MEI4: variants seen among roughly 807,000 people sequenced by gnomAD.
The protein encoded by MEI4 is meiosis-specific protein MEI4.
Under a neutral mutation model 31.4 loss-of-function variants are expected in MEI4, and 27 were observed. That is an observed-to-expected ratio of 0.86 (90% CI 0.63 to 1.19). The LOEUF is 1.19. Among genes scored for constraint, MEI4 ranks in the 50% most tolerant of loss-of-function variants. The probability of loss-of-function intolerance (pLI) is 0.00; values close to 1 mark genes in which losing one functional copy is unlikely to be tolerated. For missense variants in MEI4, 329 were observed against 398.9 expected (o/e 0.82, Z 1.49); for synonymous variants, 122 against 145.4 (o/e 0.84, Z 1.16).
At chr6:77,729,704 A>G (rs1766922211) in intron 2 of MEI4, among the ~76,000 whole-genome samples, 1 of 152,176 alleles carries the variant, frequency 6.6e-6, no homozygotes, top group Admixed American at 6.5e-5. Context: ...TGTAGAGAAC[A>G]GATATGAGAA....
At chr6:77,833,616 GTATT>G (rs1162944216) in intron 4 of MEI4, among the ~76,000 whole-genome samples, 2 of 152,022 alleles carry the variant, frequency 1.3e-5, no homozygotes, top group Non-Finnish European at 2.9e-5. Flanking sequence ...GGATTTTTTT[GTATT>G]TATTTTATTT....
At chr6:77,899,016 C>G (rs1041588562) in intron 4 of MEI4, among the ~76,000 whole-genome samples, 1 of 151,930 alleles carries the variant, frequency 6.6e-6, no homozygotes, top group African/African-American at 2.4e-5. Flanking sequence ...ACATTGCCAT[C>G]GGGAATACGA....
intron 2 of MEI4, among the ~76,000 whole-genome samples, chr6:77,760,016 T>A (rs1479590624): frequency 6.6e-6 from 1 of 152,152 alleles, no homozygotes; most frequent in Non-Finnish European, 1.5e-5. Context: ...ATTTTACTGA[T>A]AATCATTTTA....
intron 1 of MEI4, among the ~76,000 whole-genome samples, chr6:77,677,571 G>A (rs150587789): frequency 6.4e-4 from 97 of 152,176 alleles, no homozygotes; most frequent in African/African-American, 1.6e-3. Context: ...TGTCCTGTTT[G>A]GACCTTTCAT....
At chr6:77,713,795 C>T (rs1180906994) in intron 2 of MEI4, among the ~76,000 whole-genome samples, 1 of 152,092 alleles carries the variant, frequency 6.6e-6, no homozygotes, top group African/African-American at 2.4e-5. Context: ...AGTGTTCTTC[C>T]CCTTCCACAA....
At chr6:77,681,019 A>C (rs891932495) in intron 1 of MEI4, among the ~76,000 whole-genome samples, 1 of 152,144 alleles carries the variant, frequency 6.6e-6, no homozygotes, top group African/African-American at 2.4e-5. Context: ...TTACAAAATG[A>C]CTTTTTTGGA....
chr6:77,726,822 C>T (rs901780690), intron 2 of MEI4, among the ~76,000 whole-genome samples: 1 of 51,948 alleles, frequency 1.9e-5, no homozygotes, highest in Non-Finnish European at 3.6e-5. Flanking sequence ...CATTTTGTAA[C>T]AGACAAAAAT....
intron 3 of MEI4, among the ~76,000 whole-genome samples, chr6:77,797,385 G>A (rs1008962992): frequency 3.9e-5 from 6 of 152,144 alleles, no homozygotes; most frequent in Non-Finnish European, 7.3e-5. Flanking sequence ...ACAATCAATA[G>A]ATTGAAAAGC....
chr6:77,740,427 T>C (rs999390639), intron 2 of MEI4, among the ~76,000 whole-genome samples: 7 of 152,232 alleles, frequency 4.6e-5, no homozygotes, highest in Non-Finnish European at 7.3e-5. Flanking sequence ...TCTCCCACTA[T>C]TACTGCAATT....
intron 3 of MEI4, among the ~76,000 whole-genome samples, chr6:77,779,185 T>G (rs1755056338): frequency 6.6e-6 from 1 of 151,936 alleles, no homozygotes; most frequent in Non-Finnish European, 1.5e-5. Context: ...TGCAAAGAAG[T>G]TAAAGAATTG....
chr6:77,656,600 G>C (rs1768401872), intron 1 of MEI4, among the ~76,000 whole-genome samples: 1 of 152,136 alleles, frequency 6.6e-6, no homozygotes, highest in Non-Finnish European at 1.5e-5. Context: ...ATCAATAAGT[G>C]GTGCTGAACA....
intron 2 of MEI4, among the ~76,000 whole-genome samples, chr6:77,745,691 C>G (rs1451354057): frequency 6.6e-6 from 1 of 152,240 alleles, no homozygotes; most frequent in African/African-American, 2.4e-5. Context: ...CACACCACAC[C>G]TATTCCAAAA....
intron 2 of MEI4, among the ~76,000 whole-genome samples, chr6:77,699,166 C>T (rs888684063): frequency 1.4e-5 from 2 of 147,920 alleles, no homozygotes; most frequent in Admixed American, 6.8e-5. Context: ...GTTATCCATT[C>T]GTCTAATTTT....
chr6:77,860,610 TGA>T (rs1415903739), intron 4 of MEI4, among the ~76,000 whole-genome samples: 2 of 152,164 alleles, frequency 1.3e-5, no homozygotes, highest in African/African-American at 4.8e-5. Context: ...ACTGATAAAA[TGA>T]GAGTTTTTAC....
intron 2 of MEI4, among the ~76,000 whole-genome samples, chr6:77,733,793 C>A (rs1271436808): frequency 6.6e-6 from 1 of 152,014 alleles, no homozygotes; most frequent in Non-Finnish European, 1.5e-5. Flanking sequence ...CTACACAGTG[C>A]TTTGAATGTG....
intron 3 of MEI4, among the ~76,000 whole-genome samples, chr6:77,799,653 C>T (rs1010023717): frequency 3.6e-4 from 54 of 152,096 alleles, no homozygotes; most frequent in Non-Finnish European, 5.6e-4. Flanking sequence ...TTTAATCCGT[C>T]TTGAATTAAT....
At chr6:77,686,644 G>A (rs970072636) in intron 1 of MEI4, among the ~76,000 whole-genome samples, 1 of 151,972 alleles carries the variant, frequency 6.6e-6, no homozygotes, top group Non-Finnish European at 1.5e-5. Context: ...TATTCAGACT[G>A]GTGACAGGTT....
intron 3 of MEI4, among the ~76,000 whole-genome samples, chr6:77,768,169 C>T (rs1024032273): frequency 6.6e-6 from 1 of 152,124 alleles, no homozygotes; most frequent in African/African-American, 2.4e-5. Context: ...GTCTCATGTT[C>T]AGGTATATGA....
chr6:77,695,972 T>A (rs1471194941), intron 2 of MEI4, among the ~76,000 whole-genome samples: 2 of 152,178 alleles, frequency 1.3e-5, no homozygotes, highest in Non-Finnish European at 2.9e-5. Context: ...CTTGAAGAGG[T>A]CCTTCACATC....
Sources: allele counts gnomAD v4.1 joint callset (sites outside exome capture counted in the v4.1 genomes callset), GRCh38; gene constraint gnomAD v4.1.1; transcripts MANE v1.5; gene names NCBI Gene and HGNC (gene_info 2026-07-23, HGNC 2026-07-21).